ANKRD28: variants seen among roughly 807,000 people sequenced by gnomAD.
ANKRD28 encodes ankyrin repeat domain 28, also known as serine/threonine-protein phosphatase 6 regulatory ankyrin repeat subunit A.
A neutral mutation model predicts 126.5 loss-of-function variants in ANKRD28; 44 were observed. The ratio of observed to expected loss-of-function variants is 0.35; its 90% confidence interval spans 0.27 to 0.45. The LOEUF is 0.45. ANKRD28 is among the 20% of genes least tolerant of loss of function. The pLI is 1.00. For missense variants in ANKRD28, 1,110 were observed against 1,316.6 expected (o/e 0.84, Z 2.43); for synonymous variants, 442 against 468.5 (o/e 0.94, Z 0.73).
chr3:15,767,700 TAAAAAAAAAAAAAAAA>T (rs57072807), intron 2 of ANKRD28, among the ~76,000 whole-genome samples: 16 of 64,360 alleles, frequency 2.5e-4, no homozygotes, highest in African/African-American at 8.3e-4. Flanking sequence ...TAGTCTCTAC[TAAAAAAAAAAAAAAAA>T]AAAAAAAAAA....
intron 14 of ANKRD28, among the ~76,000 whole-genome samples, chr3:15,698,923 G>C (rs1030795533): frequency 1.3e-5 from 2 of 152,104 alleles, no homozygotes; most frequent in African/African-American, 4.8e-5. Flanking sequence ...AAAAGAGCCC[G>C]CATTGCCAAG....
chr3:15,800,842 C>A (rs1226162943), upstream of ANKRD28, among the ~76,000 whole-genome samples: 2 of 151,994 alleles, frequency 1.3e-5, no homozygotes, highest in African/African-American at 2.4e-5. Context: ...ATAAAAAATA[C>A]TAAGAGAAAT....
At chr3:15,855,468 C>T (rs1319848374) in intron 1 of ANKRD28, among the ~76,000 whole-genome samples, 2 of 152,150 alleles carry the variant, frequency 1.3e-5, no homozygotes, top group African/African-American at 4.8e-5. Context: ...CCCTTTAGTA[C>T]TGCTGCAAAC....
rs887911312 is a variant in ANKRD28 at position 15,854,900 on chromosome 3, T to G, written c.27+4477A>C. On this transcript the variant is annotated intron_variant, in intron 1 of 27. Transcript: ENST00000399451. The surrounding 1 kb of genome is among the most constrained non-coding windows in gnomAD (Gnocchi z 4.1). ...CCCGTCTCTACTAAAATTACAAAAA[T>G]TAGCTGGGTGTGGTGGTGGGCGCCT... 6.6e-6 allele frequency among the ~76,000 whole-genome samples: 1 copy of G among 152,048 alleles called. No individual in the cohort carries two copies. The highest frequency in any genetic ancestry group is 6.5e-5 in the Admixed American group (1 of 15,280).
chr3:15,789,887 A>G (rs981190053), intron 2 of ANKRD28, among the ~76,000 whole-genome samples: 1 of 152,102 alleles, frequency 6.6e-6, no homozygotes, highest in Non-Finnish European at 1.5e-5. Flanking sequence ...CTAAGAAAAA[A>G]AGAGAAGAAG....
chr3:15,716,852 T>C lies in ANKRD28; in HGVS notation c.997-2196A>G, dbSNP rs562382548. ...TGGCTCATATCTATAATTCCAGCGC[T>C]TGGGGAGGCCAAAGCGGAAGGACTG... On this transcript the variant is annotated intron_variant, in intron 8 of 27. Coordinates refer to ENST00000683139, the MANE Select transcript of ANKRD28 (RefSeq NM_001349278.2). 6.6e-5 allele frequency among the ~76,000 whole-genome samples: 10 copies of C among 152,278 alleles called. No homozygotes were observed. The South Asian group carries it at 1.2e-3, about 19-fold the overall frequency.
At chr3:15,787,791 A>C (rs1307123466) in intron 2 of ANKRD28, among the ~76,000 whole-genome samples, 1 of 152,218 alleles carries the variant, frequency 6.6e-6, no homozygotes, top group Non-Finnish European at 1.5e-5. Flanking sequence ...TTTTCAGAAA[A>C]GACTGTATTT....
chr3:15,794,955 A>T (rs540966006), intron 2 of ANKRD28, among the ~76,000 whole-genome samples: 2 of 152,186 alleles, frequency 1.3e-5, no homozygotes, highest in Non-Finnish European at 2.9e-5. Context: ...AGTAAGTGAA[A>T]GGTATATGGG....
At chr3:15,737,758 T>C (rs367566348) in intron 4 of ANKRD28, among the ~76,000 whole-genome samples, 22 of 152,226 alleles carry the variant, frequency 1.4e-4, no homozygotes, top group African/African-American at 4.6e-4. Context: ...GAGCCAGTCA[T>C]AGAGCCACAC....
intron 18 of ANKRD28, 144 bp downstream of exon 18, chr3:15,689,875 G>T: frequency 3.0e-6 from 2 of 674,978 alleles, no homozygotes; most frequent in Non-Finnish European, 4.8e-6. Flanking sequence ...AAGTTATTTG[G>T]TGAGGTCAAA....
chr3:15,737,306 G>A (rs558209481), intron 4 of ANKRD28, 73 bp from the exon 5 acceptor site: 160 of 1,256,378 alleles, frequency 1.3e-4, no homozygotes, highest in Middle Eastern at 1.1e-3. Flanking sequence ...TATAGTGTGC[G>A]TGTGTGTGTA....
chr3:15,779,015 T>G (rs2059425550), intron 2 of ANKRD28, among the ~76,000 whole-genome samples: 1 of 152,196 alleles, frequency 6.6e-6, no homozygotes. Context: ...GTAAGTTTCC[T>G]GAGGCCCCCA....
intron 4 of ANKRD28, among the ~76,000 whole-genome samples, chr3:15,742,765 C>T (rs1343279347): frequency 1.5e-5 from 2 of 134,650 alleles, no homozygotes; most frequent in East Asian, 2.4e-4. Context: ...GGGGTCAGCC[C>T]CCCGCCCGGC....
upstream of ANKRD28, chr3:15,798,033 T>C (rs2060356268): frequency 1.0e-6 from 1 of 985,416 alleles, no homozygotes; most frequent in South Asian, 4.7e-5. Flanking sequence ...ATAGTGCATT[T>C]GGACAGCCTT....
chr3:15,827,143 G>A (rs2061084792), intron 1 of ANKRD28, among the ~76,000 whole-genome samples: 1 of 152,132 alleles, frequency 6.6e-6, no homozygotes, highest in Admixed American at 6.6e-5. Flanking sequence ...GTGGAGAAAA[G>A]AGAACCCCTA....
intron 3 of ANKRD28, among the ~76,000 whole-genome samples, chr3:15,764,729 A>G (rs1421016388): frequency 6.6e-6 from 1 of 152,168 alleles, no homozygotes; most frequent in Non-Finnish European, 1.5e-5. Flanking sequence ...TTATATTATT[A>G]AAAGAAATAA....
intron 18 of ANKRD28, among the ~76,000 whole-genome samples, chr3:15,688,880 G>A (rs1234374222): frequency 1.3e-5 from 2 of 152,164 alleles, no homozygotes; most frequent in African/African-American, 4.8e-5. Context: ...CTGCATAAAT[G>A]TTTAATGCAG....
intron 2 of ANKRD28, among the ~76,000 whole-genome samples, chr3:15,791,939 T>C (rs1290329032): frequency 2.0e-5 from 3 of 152,144 alleles, no homozygotes; most frequent in African/African-American, 7.2e-5. Context: ...GGGCAAAAGA[T>C]CTGAATAGAC....
intron 17 of ANKRD28, among the ~76,000 whole-genome samples, chr3:15,691,927 G>A (rs1022616966): frequency 6.6e-6 from 1 of 151,878 alleles, no homozygotes; most frequent in Admixed American, 6.6e-5. Flanking sequence ...CAGGAGTTTG[G>A]GGCCAGCCTG....
Sources: gnomAD v4.1 joint callset for allele counts (sites outside exome capture counted in the v4.1 genomes callset) on GRCh38, gnomAD v4.1.1 for gene constraint, Gnocchi (gnomAD v3.1) non-coding constraint, MANE v1.5 for transcripts, NCBI Gene and HGNC (gene_info 2026-07-23, HGNC 2026-07-21) for gene names.